The following USP5 variants were observed in gnomAD, a reference collection of about 807,000 sequenced individuals.
USP5 encodes ubiquitin carboxyl-terminal hydrolase 5.
USP5 carries 24 observed loss-of-function variants against 102.5 expected under a neutral mutation model. The ratio of observed to expected loss-of-function variants is 0.23; its 90% CI spans 0.17 to 0.33. The LOEUF (loss-of-function observed/expected upper bound fraction) is 0.33, where lower values mean the gene tolerates loss of function less well. Ranked by LOEUF, USP5 falls within the 10% of genes least tolerant of loss-of-function variation. USP5 has a pLI of 1.00. For synonymous variants in USP5, 460 were observed against 434.8 expected (o/e 1.06, Z -0.72); for missense variants, 753 against 1,122.1 (o/e 0.67, Z 4.70).
rs369337228 is a variant in USP5, at chr12:6,864,927, T to C, written c.2398+52T>C. 4.7e-5 allele frequency: 74 copies of C among 1,581,198 alleles called. No individual in the cohort carries two copies. The African/African-American group carries it at 9.0e-4, about 19-fold the overall frequency. Reference sequence around the variant, plus strand: ...GCCTGGTGGAATCTGGTCAGTCTACTACACCAGATCCCTCATTCAGGCAGC... The same window carrying C: ...GCCTGGTGGAATCTGGTCAGTCTACCACACCAGATCCCTCATTCAGGCAGC... On this transcript the variant is annotated intron_variant, in intron 18 of 19. Transcript: ENST00000229268. The surrounding 1 kb of genome is among the most constrained non-coding windows in gnomAD (Gnocchi z 4.8).
At position 6,866,020 on chromosome 12, in the gene USP5, C is replaced by T. The variant is rs1555130801; in HGVS notation, c.2520C>T (p.Ser840=). The T allele has an allele frequency of 4.3e-6, 7 of 1,614,120 alleles. No individual in the cohort carries two copies. Among genetic ancestry groups the T allele is most frequent in the Admixed American group, 1.7e-5 (1 of 60,018 alleles). ...VIYNDQKVCA[S]EKPPKDLGYI... ...ACAATGACCAGAAAGTGTGTGCCTC[C>T]GAGAAGCCGCCCAAGGACCTGGGCT... Residue 840 remains serine (S), a synonymous_variant, in exon 20 of 20, where the codon TCC becomes TCT. Coordinates refer to ENST00000229268, the MANE Select transcript of USP5 (RefSeq NM_001098536.2). This position sits in a 1 kb window ranked among gnomAD's most constrained non-coding sequence, Gnocchi z 4.7.
At position 6,864,914 on chromosome 12, in the gene USP5, C is replaced by T. The variant is rs782696408; in HGVS notation, c.2398+39C>T. ...GGAAGCAGGACAGGCCTGGTGGAAT[C>T]TGGTCAGTCTACTACACCAGATCCC... On this transcript the variant is annotated intron_variant, in intron 18 of 19. Coordinates refer to ENST00000229268, the MANE Select transcript of USP5 (RefSeq NM_001098536.2). The surrounding 1 kb of genome is among the most constrained non-coding windows in gnomAD (Gnocchi z 4.8). The T allele has an allele frequency of 1.2e-6, 2 of 1,600,144 alleles. No individual in the cohort carries two copies. The highest frequency in any genetic ancestry group is 1.7e-6 in the Non-Finnish European group (2 of 1,172,004).
Position 6,855,445 on chromosome 12 carries a change from C to T in USP5, c.156C>T (p.Gly52=), listed in dbSNP as rs1555127905. The change falls in exon 2 of 20, where the codon GGC becomes GGT. Residue 52 remains glycine, a synonymous_variant. Transcript: ENST00000229268. The surrounding 1 kb of genome is among the most constrained non-coding windows in gnomAD (Gnocchi z 4.6). ...GLYICMNTFL[G]FGKQYVERHF... is the part of the protein sequence containing the mutation. ...ACATCTGTATGAACACGTTTCTGGG[C>T]TTTGGGAAACAGTATGTGGAGAGAC... is the stretch of plus-strand genomic sequence containing the variant. The T allele has an allele frequency of 6.2e-7, 1 of 1,614,150 alleles. No homozygotes were observed. Among genetic ancestry groups the T allele is most frequent in the South Asian group, 1.1e-5 (1 of 91,076 alleles).
Position 6,861,514 on chromosome 12 carries a change from C to G in USP5, c.1570C>G (p.Arg524Gly), listed in dbSNP as rs1413496428. ...EEKMALPELVRAQVPFSSCLE... is the reference protein window; with the variant it reads ...EEKMALPELVGAQVPFSSCLE... ...GAAGATGGCACTGCCAGAACTGGTT[C>G]GGGCCCAGGTGCCCTTCAGCTCTTG... Residue 524 changes from arginine to glycine, a missense_variant, in exon 13 of 20, where the codon CGG becomes GGG. Transcript: ENST00000229268. This position sits in a 1 kb window ranked among gnomAD's most constrained non-coding sequence, Gnocchi z 4.9. The G allele has an allele frequency of 6.2e-7, 1 of 1,602,022 alleles. No homozygotes were observed.
At chr12:6,862,969 A>G (rs1555129867) in intron 14 of USP5, among the ~76,000 whole-genome samples, 4 of 152,090 alleles carry the variant, frequency 2.6e-5, no homozygotes, top group African/African-American at 7.2e-5. Flanking sequence ...TGCCCTGTCC[A>G]TAGATTATTT....
Position 6,855,066 on chromosome 12 carries a change from C to G in USP5, c.112-335C>G, listed in dbSNP as rs1337679379. Reference sequence around the variant, plus strand: ...CCCCAGGATAGAGGTGAAGGAAGTCCTCTGTGATTGATTAAAGAGCTCCAA... The same window carrying G: ...CCCCAGGATAGAGGTGAAGGAAGTCGTCTGTGATTGATTAAAGAGCTCCAA... On this transcript the variant is annotated intron_variant, in intron 1 of 19. Transcript: ENST00000229268. This position sits in a 1 kb window ranked among gnomAD's most constrained non-coding sequence, Gnocchi z 4.6. 6.6e-6 allele frequency among the ~76,000 whole-genome samples: 1 copy of G among 152,052 alleles called. No homozygotes were observed.
At chr12:6,854,191 GTTGCGAGA>G (rs1258222100) in intron 1 of USP5, among the ~76,000 whole-genome samples, 2 of 152,232 alleles carry the variant, frequency 1.3e-5, no homozygotes, top group Non-Finnish European at 2.9e-5. Context: ...CTCAGCAAGT[GTTGCGAGA>G]TTGTTGTCAG....
rs972534878 is a variant in USP5 at position 6,863,444 on chromosome 12, C to G, written c.1954+67C>G. The G allele has an allele frequency of 6.6e-7, 1 of 1,524,506 alleles. No homozygotes were observed. The highest frequency in any genetic ancestry group is 1.8e-5 in the Admixed American group (1 of 55,038). 94.4% of individuals were successfully genotyped at this position (1,524,506 alleles called of 1,614,324 possible). A position where few individuals can be genotyped will look rare whatever the true frequency, so the allele number is the denominator to read the frequency against. On this transcript the variant is annotated intron_variant, in intron 15 of 19. Transcript: ENST00000229268. The surrounding 1 kb of genome is among the most constrained non-coding windows in gnomAD (Gnocchi z 4.7). ...TGGGGGCCTCTCTGCCTTGCATCCC[C>G]TGCCCCTGTCCTTTGTGTTTCTCCT...
intron 1 of USP5, 111 bp downstream of exon 1, chr12:6,852,401 A>G (rs1390324326): frequency 9.3e-7 from 1 of 1,073,864 alleles, no homozygotes; most frequent in African/African-American, 1.6e-5. Flanking sequence ...GCACCATGGG[A>G]CTTGTAGTCT....
At chr12:6,857,073 C>G (rs782170955) in intron 6 of USP5, among the ~76,000 whole-genome samples, 182 bp downstream of exon 6, 1 of 152,066 alleles carries the variant, frequency 6.6e-6, no homozygotes, top group Admixed American at 6.6e-5. Flanking sequence ...ATTGCTTGAG[C>G]CTAGGAGTTC....
At chr12:6,854,137 A>T (rs1454280492) in intron 1 of USP5, among the ~76,000 whole-genome samples, 1 of 152,052 alleles carries the variant, frequency 6.6e-6, no homozygotes, top group Non-Finnish European at 1.5e-5. Context: ...CTGGGTGGAC[A>T]CCCGTCTGTC....
rs1364338540 is a variant in USP5, at chr12:6,864,272, C to G, written c.2244+77C>G. 6.7e-7 allele frequency: 1 copy of G among 1,499,768 alleles called. No individual in the cohort carries two copies. Among genetic ancestry groups the G allele is most frequent in the Non-Finnish European group, 8.9e-7 (1 of 1,128,130 alleles). 92.9% of individuals were successfully genotyped at this position (1,499,768 alleles called of 1,614,324 possible). A position where few individuals can be genotyped will look rare whatever the true frequency, so the allele number is the denominator to read the frequency against. On this transcript the variant is annotated intron_variant, in intron 17 of 19. Coordinates refer to ENST00000229268, the MANE Select transcript of USP5 (RefSeq NM_001098536.2). The surrounding 1 kb of genome is among the most constrained non-coding windows in gnomAD (Gnocchi z 4.8). The stretch of plus-strand genomic sequence containing the variant: ...GGAATGAGGGGCCATCCTTCTTGAG[C>G]AAGACCAAAGACAACAGGTGTGGTC...
At position 6,866,579 on chromosome 12, in the gene USP5, C is replaced by G. The variant is rs1361908472; in HGVS notation, c.*502C>G. The G allele has an allele frequency of 6.3e-6, 1 of 158,582 alleles. No homozygotes were observed. 9.8% of individuals were successfully genotyped at this position (158,582 alleles called of 1,614,324 possible). A position where few individuals can be genotyped will look rare whatever the true frequency, so the allele number is the denominator to read the frequency against. On this transcript the variant is annotated 3_prime_UTR_variant, in exon 20 of 20. Coordinates refer to ENST00000229268, the MANE Select transcript of USP5 (RefSeq NM_001098536.2). The surrounding 1 kb of genome is among the most constrained non-coding windows in gnomAD (Gnocchi z 4.7). The stretch of plus-strand genomic sequence containing the variant: ...TTCCCCCACCCTGTCTCTTCCTTGT[C>G]CTTCTCTGGAAAATGCCAAAATACA...
At chr12:6,865,963 C>G (rs782131436) in intron 19 of USP5, 21 bp from the exon 20 acceptor site, 8 of 1,609,846 alleles carry the variant, frequency 5.0e-6, no homozygotes. Context: ...TCATCCTTTT[C>G]TGTTTTCCCC....
Position 6,852,160 on chromosome 12 carries a change from G to A in USP5, c.-20G>A. 6.2e-7 allele frequency: 1 copy of A among 1,602,180 alleles called. No homozygotes were observed. The highest frequency in any genetic ancestry group is 8.5e-7 in the Non-Finnish European group (1 of 1,174,980). On this transcript the variant is annotated 5_prime_UTR_variant, in exon 1 of 20. Coordinates refer to ENST00000229268, the MANE Select transcript of USP5 (RefSeq NM_001098536.2). ...GGAACGGTGGGAGCCGCCGTGTGTGGAGAAGCTGCTGCCGGTGTCATGGCG... is the reference window on the plus strand; with the variant it reads ...GGAACGGTGGGAGCCGCCGTGTGTGAAGAAGCTGCTGCCGGTGTCATGGCG...
chr12:6,865,359 G>A, intron 19 of USP5, 111 bp downstream of exon 19: 1 of 978,514 alleles, frequency 1.0e-6, no homozygotes, highest in Non-Finnish European at 1.6e-6. Flanking sequence ...TGCCTGATGG[G>A]GACATAAAGT....
rs928606658 is a variant in USP5, at chr12:6,860,638, G to T, written c.1344+147G>T. ...CCTGTGAACAGTGCTTGCACCTGAG[G>T]AGGACAGTGAAGGTGATGATCCCTA... is the stretch of plus-strand genomic sequence containing the variant. On this transcript the variant is annotated intron_variant, in intron 11 of 19. Coordinates refer to ENST00000229268, the MANE Select transcript of USP5 (RefSeq NM_001098536.2). The surrounding 1 kb of genome is among the most constrained non-coding windows in gnomAD (Gnocchi z 5.5). 7.2e-7 allele frequency: 1 copy of T among 1,390,824 alleles called. No individual in the cohort carries two copies. The highest frequency in any genetic ancestry group is 9.8e-7 in the Non-Finnish European group (1 of 1,024,422). The allele number at this position is 1,390,824 out of a possible 1,614,324, so 86.2% of individuals were successfully genotyped here. A position where few individuals can be genotyped will look rare whatever the true frequency, so the allele number is the denominator to read the frequency against.
At position 6,866,138 on chromosome 12, in the gene USP5, G is replaced by A. The variant is rs1944438776; in HGVS notation, c.*61G>A. ...AAGACCACCTGGCATGAGGGAGAGGGGCTGAGGGATGGACTTCAGCCCCTC... is the reference window on the plus strand; with the variant it reads ...AAGACCACCTGGCATGAGGGAGAGGAGCTGAGGGATGGACTTCAGCCCCTC... On this transcript the variant is annotated 3_prime_UTR_variant, in exon 20 of 20. Transcript: ENST00000229268. This position sits in a 1 kb window ranked among gnomAD's most constrained non-coding sequence, Gnocchi z 4.7. 6.7e-7 allele frequency: 1 copy of A among 1,487,900 alleles called. No homozygotes were observed. Among genetic ancestry groups the A allele is most frequent in the South Asian group, 1.1e-5 (1 of 88,512 alleles). The allele number at this position is 1,487,900 out of a possible 1,614,324, so 92.2% of individuals were successfully genotyped here.
chr12:6,859,442 C>G (rs781890547), intron 8 of USP5, 28 bp from the exon 9 acceptor site: 2 of 1,613,182 alleles, frequency 1.2e-6, no homozygotes, highest in Non-Finnish European at 1.7e-6. Flanking sequence ...GCCAGAGCCC[C>G]TCCAACTGTC....
Sources: allele counts gnomAD v4.1 joint callset (sites outside exome capture counted in the v4.1 genomes callset), GRCh38; gene constraint gnomAD v4.1.1; non-coding constraint Gnocchi (gnomAD v3.1); transcripts MANE v1.5; gene names NCBI Gene and HGNC (gene_info 2026-07-23, HGNC 2026-07-21).